Variants in TNRC6A observed in about 807,000 individuals in gnomAD.
The protein encoded by TNRC6A is trinucleotide repeat containing adaptor 6A, also known as trinucleotide repeat-containing gene 6A protein.
A neutral mutation model predicts 221.2 loss-of-function variants in TNRC6A; 44 were observed. That is an observed-to-expected ratio of 0.20 (90% CI 0.16 to 0.26). TNRC6A has a LOEUF of 0.26. Among genes scored for constraint, TNRC6A ranks in the 10% least tolerant of loss-of-function variants. TNRC6A has a pLI of 1.00. For synonymous variants in TNRC6A, 847 were observed against 838.5 expected (o/e 1.01, Z -0.18); for missense variants, 2,199 against 2,404.4 (o/e 0.91, Z 1.79).
chr16:24,766,716 G>A (rs955941869), intron 4 of TNRC6A, among the ~76,000 whole-genome samples: 9 of 127,790 alleles, frequency 7.0e-5, no homozygotes, highest in African/African-American at 2.7e-4. Flanking sequence ...TCACTCTGTC[G>A]CCCACGCTGG....
chr16:24,797,920 C>T lies in TNRC6A; in HGVS notation c.3648C>T (p.Asp1216=), dbSNP rs34040063. Residue 1216 remains aspartate, a synonymous_variant, in exon 11 of 25, where the codon GAC becomes GAT. Transcript: ENST00000395799. ...GCTGCATTTTCTTTCTTCAGAGAGA[C>T]TCACCAGAGGAAAATGTACAAAGCA... ...KQFSNISFSR[D]SPEENVQSNK... The T allele has an allele frequency of 6.7e-5, 108 of 1,609,206 alleles. 1 individual carries two copies. In the African/African-American group the frequency reaches 1.3e-3, roughly 20 times the overall value.
intron 3 of TNRC6A, 103 bp from the exon 4 acceptor site, chr16:24,758,236 A>G: frequency 9.0e-7 from 1 of 1,114,568 alleles, no homozygotes; most frequent in Non-Finnish European, 1.3e-6. Flanking sequence ...TGTTTAATAA[A>G]GGTGTATATG....
chr16:24,680,091 AG>A (rs1247529844), intron 2 of TNRC6A, among the ~76,000 whole-genome samples: 1 of 152,112 alleles, frequency 6.6e-6, no homozygotes, highest in Non-Finnish European at 1.5e-5. Context: ...GGGGTGCTTA[AG>A]AAGGAATTAG....
At chr16:24,677,598 C>G (rs1349292607) in intron 2 of TNRC6A, among the ~76,000 whole-genome samples, 2 of 152,200 alleles carry the variant, frequency 1.3e-5, no homozygotes, top group Non-Finnish European at 2.9e-5. Flanking sequence ...CCATGTGAGT[C>G]TCCCTGTGAA....
chr16:24,769,301 T>TG (rs763375080), intron 4 of TNRC6A, among the ~76,000 whole-genome samples: 19 of 152,096 alleles, frequency 1.2e-4, no homozygotes, highest in Non-Finnish European at 2.4e-4. Context: ...TTTCACAAAG[T>TG]GGGGGGTCCT....
intron 2 of TNRC6A, among the ~76,000 whole-genome samples, chr16:24,645,529 G>T (rs1902230806): frequency 6.6e-6 from 1 of 151,306 alleles, no homozygotes; most frequent in Admixed American, 6.6e-5. Flanking sequence ...ACCTACTTCT[G>T]TCCGAGTTAT....
chr16:24,702,761 C>T (rs945603689), intron 2 of TNRC6A, among the ~76,000 whole-genome samples: 12 of 152,020 alleles, frequency 7.9e-5, no homozygotes, highest in African/African-American at 2.2e-4. Context: ...TACAGCCAGG[C>T]GCAGTGGCTC....
intron 5 of TNRC6A, among the ~76,000 whole-genome samples, chr16:24,782,933 A>ATACTCCCAATGGTACTG (rs2057884168): frequency 6.6e-6 from 1 of 152,044 alleles, no homozygotes; most frequent in African/African-American, 2.4e-5. Context: ...CAATGGTACC[A>ATACTCCCAATGGTACTG]TCTCTCTCAT....
intron 5 of TNRC6A, among the ~76,000 whole-genome samples, 190 bp downstream of exon 5, chr16:24,777,548 GATT>G (rs761656311): frequency 1.3e-5 from 2 of 152,146 alleles, no homozygotes; most frequent in African/African-American, 2.4e-5. Flanking sequence ...ACTTTAAAAT[GATT>G]ATTTTAATTA....
At chr16:24,809,293 C>G in intron 17 of TNRC6A, 57 bp from the exon 18 acceptor site, 1 of 1,405,014 alleles carries the variant, frequency 7.1e-7, no homozygotes. Flanking sequence ...AGTTGTGCTA[C>G]TAGAAAGAAA....
intron 2 of TNRC6A, among the ~76,000 whole-genome samples, chr16:24,676,665 G>A (rs962168084): frequency 6.6e-6 from 1 of 152,008 alleles, no homozygotes; most frequent in South Asian, 2.1e-4. Context: ...TGTTGCTCAG[G>A]CTAGTTTTGA....
At chr16:24,696,736 A>AAAAAAAAAAG (rs2055870759) in intron 2 of TNRC6A, among the ~76,000 whole-genome samples, 1 of 146,548 alleles carries the variant, frequency 6.8e-6, no homozygotes, top group South Asian at 2.2e-4. Context: ...CTCAAAAAAA[A>AAAAAAAAAAG]AAAAAAAAAG....
Position 24,790,609 on chromosome 16 carries a change from C to G in TNRC6A, c.1967C>G (p.Thr656Arg), listed in dbSNP as rs781460314. ...EEDQGSATSQTNEQSSVWAKT... is the reference protein window; with the variant it reads ...EEDQGSATSQRNEQSSVWAKT... ...GATCAGGGTTCTGCCACATCTCAGA[C>G]AAATGAGCAAAGCAGTGTGTGGGCC... The change falls in exon 6 of 25, where the codon ACA becomes AGA. Residue 656 changes from threonine to arginine, a missense_variant. Physicochemically the swap from Thr to Arg is moderately conservative, Grantham distance 71 (BLOSUM62 -1). This residue lies in a region of TNRC6A where 1,405 missense variants were observed against 1,400.2 expected (regional missense o/e 1.00). Transcript: ENST00000395799. 2 of 1,614,144 alleles carry G rather than the reference C, an allele frequency of 1.2e-6. No individual in the cohort carries two copies. The highest frequency in any genetic ancestry group is 3.3e-5 in the Admixed American group (2 of 60,018).
intron 2 of TNRC6A, among the ~76,000 whole-genome samples, chr16:24,666,662 AAAAAAAATAT>A (rs1429433587): frequency 3.5e-5 from 4 of 114,034 alleles, no homozygotes; most frequent in African/African-American, 1.1e-4. Flanking sequence ...AAAAAAAAAA[AAAAAAAATAT>A]ATATATATAT....
chr16:24,825,082 A>G lies in TNRC6A; in HGVS notation c.*1275A>G, dbSNP rs1187710977. The G allele has an allele frequency of 1.3e-5, 2 of 152,630 alleles. No homozygotes were observed. The highest frequency in any genetic ancestry group is 4.8e-5 in the African/African-American group (2 of 41,450). The allele number at this position is 152,630 out of a possible 1,614,324, so 9.5% of individuals were successfully genotyped here. On this transcript the variant is annotated 3_prime_UTR_variant, in exon 25 of 25. Coordinates refer to ENST00000395799, the MANE Select transcript of TNRC6A (RefSeq NM_014494.4). Reference sequence around the variant, plus strand: ...GTTGTACCTTAAAGCCGAAATCAGTAACTATGCATACTGTAACCAAGGTAT... The same window carrying G: ...GTTGTACCTTAAAGCCGAAATCAGTGACTATGCATACTGTAACCAAGGTAT...
intron 1 of TNRC6A, among the ~76,000 whole-genome samples, chr16:24,629,972 CA>C (rs34035008): frequency 0.02 from 2,920 of 145,588 alleles, 38 homozygotes; most frequent in Middle Eastern, 0.036. Context: ...GACCCTGTCT[CA>C]AAAAAAAAAA....
intron 2 of TNRC6A, among the ~76,000 whole-genome samples, chr16:24,712,907 C>CTGTGTGTGTATGTG (rs2056231382): frequency 7.9e-6 from 1 of 126,702 alleles, no homozygotes; most frequent in African/African-American, 3.2e-5. Context: ...TTATGTGCCA[C>CTGTGTGTGTATGTG]TGTGTGTGTG....
intron 3 of TNRC6A, among the ~76,000 whole-genome samples, chr16:24,751,823 T>A (rs1404971122): frequency 6.6e-6 from 1 of 152,180 alleles, no homozygotes; most frequent in Non-Finnish European, 1.5e-5. Context: ...TATGGGGAAC[T>A]GTTGCAGTAC....
intron 2 of TNRC6A, among the ~76,000 whole-genome samples, chr16:24,724,617 G>A (rs930563223): frequency 6.6e-6 from 1 of 152,080 alleles, no homozygotes. Flanking sequence ...GCAGTGACTT[G>A]CGGCTGTAGT....
Sources: gnomAD v4.1 joint callset for allele counts (sites outside exome capture counted in the v4.1 genomes callset) on GRCh38, gnomAD v4.1.1 for gene constraint, gnomAD v4.1.1 regional missense constraint, MANE v1.5 for transcripts, NCBI Gene and HGNC (gene_info 2026-07-23, HGNC 2026-07-21) for gene names.